XRCC4: variants seen among roughly 807,000 people sequenced by gnomAD.
The protein encoded by XRCC4 is DNA repair protein XRCC4.
A neutral mutation model predicts 39.1 loss-of-function variants in XRCC4; 28 were observed. That is an observed-to-expected ratio of 0.72 (90% CI 0.53 to 0.98). XRCC4 has a LOEUF of 0.98. Among genes scored for constraint, XRCC4 ranks in the 50% least tolerant of loss-of-function variants. The probability of loss-of-function intolerance (pLI) is 0.00; values close to 1 mark genes in which losing one functional copy is unlikely to be tolerated. For synonymous variants in XRCC4, 123 were observed against 126.4 expected (o/e 0.97, Z 0.18); for missense variants, 350 against 376.4 (o/e 0.93, Z 0.58).
intron 7 of XRCC4, among the ~76,000 whole-genome samples, chr5:83,338,461 C>A (rs1402365618): frequency 6.6e-6 from 1 of 152,130 alleles, no homozygotes; most frequent in Non-Finnish European, 1.5e-5. Flanking sequence ...CTACAGTCCA[C>A]CCTGCATTTT....
intron 7 of XRCC4, among the ~76,000 whole-genome samples, chr5:83,346,968 G>A (rs565958672): frequency 9.9e-5 from 15 of 152,056 alleles, no homozygotes; most frequent in East Asian, 1.9e-4. Context: ...ACCTCTAAGC[G>A]TGATTTCTTG....
At chr5:83,174,484 T>C (rs916933792) in intron 3 of XRCC4, among the ~76,000 whole-genome samples, 3 of 152,206 alleles carry the variant, frequency 2.0e-5, no homozygotes, top group African/African-American at 7.2e-5. Flanking sequence ...ATTTATACTT[T>C]AGCACTCCAT....
chr5:83,353,463 A>G lies in XRCC4; in HGVS notation c.*221A>G, dbSNP rs1039068930. On this transcript the variant is annotated 3_prime_UTR_variant, in exon 8 of 8. Coordinates refer to ENST00000396027, the MANE Select transcript of XRCC4 (RefSeq NM_003401.5). ...CATTATTCTAAACTATTCATTCAGC[A>G]TGCCTATAATTACATAAATTGTATG... 8.6e-6 allele frequency: 3 copies of G among 347,802 alleles called. No individual in the cohort carries two copies. The highest frequency in any genetic ancestry group is 6.4e-5 in the African/African-American group (3 of 46,874). 21.5% of individuals were successfully genotyped at this position (347,802 alleles called of 1,614,324 possible).
intron 6 of XRCC4, among the ~76,000 whole-genome samples, chr5:83,222,695 T>TA (rs1478046241): frequency 2.6e-5 from 4 of 152,138 alleles, no homozygotes; most frequent in Non-Finnish European, 4.4e-5. Context: ...AGAAAATATA[T>TA]TTGATACAAT....
At chr5:83,279,207 C>G (rs1349224196) in intron 7 of XRCC4, among the ~76,000 whole-genome samples, 1 of 151,142 alleles carries the variant, frequency 6.6e-6, no homozygotes, top group Non-Finnish European at 1.5e-5. Flanking sequence ...ATCAACTTAT[C>G]TTCATCTGTT....
At chr5:83,327,181 A>G (rs956940325) in intron 7 of XRCC4, among the ~76,000 whole-genome samples, 1 of 152,004 alleles carries the variant, frequency 6.6e-6, no homozygotes, top group African/African-American at 2.4e-5. Flanking sequence ...AAGTTTCCTT[A>G]TAATTATTTG....
chr5:83,263,947 T>C (rs1279449060), intron 7 of XRCC4, among the ~76,000 whole-genome samples: 1 of 152,058 alleles, frequency 6.6e-6, no homozygotes, highest in Non-Finnish European at 1.5e-5. Context: ...TGGTAATGCC[T>C]AGGTTTTCTT....
chr5:83,244,648 C>A (rs904295100), intron 6 of XRCC4, among the ~76,000 whole-genome samples: 10 of 152,130 alleles, frequency 6.6e-5, no homozygotes, highest in African/African-American at 2.4e-4. Flanking sequence ...GCTATTTCAA[C>A]AGCACCAAAC....
chr5:83,371,648 C>T, the XRCC4 span, among the ~76,000 whole-genome samples: 4 of 152,078 alleles, frequency 2.6e-5, no homozygotes, highest in Admixed American at 1.3e-4. Flanking sequence ...ACCAGAGCCA[C>T]GTGGATTGAA....
At chr5:83,327,479 A>C (rs1756300918) in intron 7 of XRCC4, among the ~76,000 whole-genome samples, 1 of 142,894 alleles carries the variant, frequency 7.0e-6, no homozygotes, top group Non-Finnish European at 1.5e-5. Flanking sequence ...CATTATTATT[A>C]AATTTAGCTG....
chr5:83,104,162 G>A (rs1746085230), intron 1 of XRCC4, among the ~76,000 whole-genome samples: 1 of 152,128 alleles, frequency 6.6e-6, no homozygotes, highest in Non-Finnish European at 1.5e-5. Flanking sequence ...TGGATAGGGT[G>A]TTTCAGTCAC....
At chr5:83,104,380 C>T (rs971443591) in intron 1 of XRCC4, among the ~76,000 whole-genome samples, 1 of 152,132 alleles carries the variant, frequency 6.6e-6, no homozygotes, top group African/African-American at 2.4e-5. Flanking sequence ...AGGTCATTCT[C>T]ACAAGTTCTT....
intron 3 of XRCC4, among the ~76,000 whole-genome samples, chr5:83,128,378 G>A (rs919384912): frequency 3.8e-4 from 58 of 152,118 alleles, no homozygotes; most frequent in Non-Finnish European, 7.1e-4. Context: ...TATCATTGAT[G>A]GACATTTGGG....
chr5:83,241,958 G>GGAA (rs1320304557), intron 6 of XRCC4, among the ~76,000 whole-genome samples: 1 of 90,764 alleles, frequency 1.1e-5, no homozygotes, highest in African/African-American at 1.3e-4. Flanking sequence ...AGGAGGAAGA[G>GGAA]GAGGAGGAGG....
intron 3 of XRCC4, among the ~76,000 whole-genome samples, chr5:83,167,126 C>T (rs905523151): frequency 8.5e-5 from 13 of 152,134 alleles, no homozygotes; most frequent in Admixed American, 3.3e-4. Flanking sequence ...AAGTGATTCA[C>T]GCGCCTTGGC....
chr5:83,292,718 ACT>A (rs1427165544), intron 7 of XRCC4, among the ~76,000 whole-genome samples: 1 of 149,488 alleles, frequency 6.7e-6, no homozygotes, highest in Non-Finnish European at 1.5e-5. Flanking sequence ...TACACAAGAA[ACT>A]CTTTTTCTTT....
chr5:83,130,662 A>G (rs1747526214), intron 3 of XRCC4, among the ~76,000 whole-genome samples: 1 of 152,132 alleles, frequency 6.6e-6, no homozygotes, highest in African/African-American at 2.4e-5. Context: ...TTATTGGTCT[A>G]TTCAGGGATT....
At chr5:83,121,984 C>T (rs1370671721) in intron 3 of XRCC4, among the ~76,000 whole-genome samples, 7 of 152,068 alleles carry the variant, frequency 4.6e-5, no homozygotes, top group East Asian at 1.9e-4. Flanking sequence ...CAATTAACCA[C>T]GTGTGTATTG....
In XRCC4 at chr5:83,181,278, T is replaced by G. The variant is rs12518700; in HGVS notation, c.316-14492T>G. 5.9e-3 allele frequency among the ~76,000 whole-genome samples: 896 copies of G among 152,240 alleles called. 3 individuals are homozygous for G. Among genetic ancestry groups the G allele is most frequent in the Non-Finnish European group, 9.7e-3 (659 of 67,994 alleles). ...ATATTTTAATTGTACTAATATTGAG[T>G]ATTTTATTATGACTCTTTAAATATT... On this transcript the variant is annotated intron_variant, in intron 3 of 7. Coordinates refer to ENST00000396027, the MANE Select transcript of XRCC4 (RefSeq NM_003401.5).
Sources: gnomAD v4.1 joint callset for allele counts (sites outside exome capture counted in the v4.1 genomes callset) on GRCh38, gnomAD v4.1.1 for gene constraint, MANE v1.5 for transcripts, NCBI Gene and HGNC (gene_info 2026-07-23, HGNC 2026-07-21) for gene names.